The following CRMP1 variants were observed in gnomAD, a reference collection of about 807,000 sequenced individuals.
CRMP1 encodes the protein dihydropyrimidinase-related protein 1.
Under a neutral mutation model 68.3 loss-of-function variants are expected in CRMP1, and 19 were observed. The observed-to-expected ratio is 0.28, with a 90% confidence interval of 0.19 to 0.41. CRMP1 has a LOEUF of 0.41. Ranked by LOEUF, CRMP1 falls within the 10% of genes least tolerant of loss-of-function variation. The pLI is 1.00. For missense variants in CRMP1, 791 were observed against 967.4 expected (o/e 0.82, Z 2.42); for synonymous variants, 439 against 399.6 (o/e 1.10, Z -1.18).
rs959205179 is a variant in CRMP1 at position 5,850,438 on chromosome 4, C to T, written c.883-966G>A. On this transcript the variant is annotated intron_variant, in intron 5 of 13. Transcript: ENST00000324989. The surrounding 1 kb of genome is among the most constrained non-coding windows in gnomAD (Gnocchi z 4.4). Reference sequence around the variant, plus strand: ...GTCTTTTGTTGACTGTATCAAAGGCCTCCAGGACATCTTGGGATAAGTTAT... The same window carrying T: ...GTCTTTTGTTGACTGTATCAAAGGCTTCCAGGACATCTTGGGATAAGTTAT... 1.3e-5 allele frequency among the ~76,000 whole-genome samples: 2 copies of T among 152,140 alleles called. No individual in the cohort carries two copies. Among genetic ancestry groups the T allele is most frequent in the African/African-American group, 4.8e-5 (2 of 41,414 alleles).
intron 8 of CRMP1, among the ~76,000 whole-genome samples, chr4:5,840,128 GA>G (rs1188041285): frequency 6.6e-6 from 1 of 152,290 alleles, no homozygotes; most frequent in Non-Finnish European, 1.5e-5. Context: ...ATAAGGCAGG[GA>G]AAGCAGCCAA....
Position 5,877,824 on chromosome 4 carries a change from G to C in CRMP1, c.382-11068C>G, listed in dbSNP as rs1466013336. 2.6e-5 allele frequency among the ~76,000 whole-genome samples: 4 copies of C among 152,204 alleles called. No homozygotes were observed. The highest frequency in any genetic ancestry group is 4.4e-5 in the Non-Finnish European group (3 of 68,050). On this transcript the variant is annotated intron_variant, in intron 1 of 13. Transcript: ENST00000324989. This position sits in a 1 kb window ranked among gnomAD's most constrained non-coding sequence, Gnocchi z 4.3. ...CACTGTACCAGCAGACTTTCAGGGA[G>C]CACTCCCTGATGGACTGAATATCTG...
At chr4:5,887,823 G>C in intron 1 of CRMP1, 1 of 996,366 alleles carries the variant, frequency 1.0e-6, no homozygotes, top group Non-Finnish European at 1.2e-6. Flanking sequence ...TGGGCCGGAC[G>C]GTGCGGGGGC....
At chr4:5,864,587 G>A (rs1713846053) in intron 2 of CRMP1, among the ~76,000 whole-genome samples, 1 of 152,178 alleles carries the variant, frequency 6.6e-6, no homozygotes. Context: ...GGGCCACGAG[G>A]CAAGGCCCTG....
chr4:5,856,621 C>T (rs1327851292), intron 3 of CRMP1, among the ~76,000 whole-genome samples: 7 of 149,868 alleles, frequency 4.7e-5, no homozygotes, highest in Non-Finnish European at 8.9e-5. Flanking sequence ...CCATGACCGC[C>T]ACTATCATCA....
At chr4:5,824,086 T>G (rs1719135310) in intron 13 of CRMP1, among the ~76,000 whole-genome samples, 1 of 152,172 alleles carries the variant, frequency 6.6e-6, no homozygotes, top group African/African-American at 2.4e-5. Context: ...GGCTTTTAAC[T>G]TCATTGTTAT....
Position 5,883,457 on chromosome 4 carries a change from T to C in CRMP1, c.381+9132A>G, listed in dbSNP as rs1715359588. Among the ~76,000 whole-genome samples, 1 of 152,094 alleles carries C rather than the reference T, an allele frequency of 6.6e-6. No homozygotes were observed. Among genetic ancestry groups the C allele is most frequent in the South Asian group, 2.1e-4 (1 of 4,814 alleles). ...CTGGGATTACAGGTGCCCGCCACCA[T>C]GCCTGGCTAATTTTTGTATTTTTAG... On this transcript the variant is annotated intron_variant, in intron 1 of 13. Transcript: ENST00000324989. This position sits in a 1 kb window ranked among gnomAD's most constrained non-coding sequence, Gnocchi z 4.5.
At chr4:5,885,495 G>T (rs1715518728) in intron 1 of CRMP1, among the ~76,000 whole-genome samples, 1 of 152,176 alleles carries the variant, frequency 6.6e-6, no homozygotes, top group Admixed American at 6.5e-5. Flanking sequence ...CTGCCTTCAT[G>T]ATTTGATCTA....
At chr4:5,868,017 G>A (rs994450593) in intron 1 of CRMP1, among the ~76,000 whole-genome samples, 1 of 151,766 alleles carries the variant, frequency 6.6e-6, no homozygotes, top group Non-Finnish European at 1.5e-5. Flanking sequence ...TATCCTAAGG[G>A]CACAGACTAG....
intron 2 of CRMP1, among the ~76,000 whole-genome samples, chr4:5,864,880 A>T (rs1713873142): frequency 1.3e-5 from 2 of 150,504 alleles, no homozygotes; most frequent in South Asian, 4.3e-4. Context: ...AAGAGCAAGC[A>T]AGGAATGAAG....
chr4:5,874,400 TTGGGGTCCACACCCA>T lies in CRMP1; in HGVS notation c.382-7659_382-7645del, dbSNP rs1202359121. Among the ~76,000 whole-genome samples the T allele has an allele frequency of 2.5e-4, 38 of 152,192 alleles. 1 individual carries two copies. The highest frequency in any genetic ancestry group is 2.4e-3 in the Admixed American group (37 of 15,280). ...GTCATTGGCTTCCCCTACGGAGACT[TTGGGGTCCACACCCA>T]TGATCTAACCGCCAGTATAATGCAC... is the stretch of plus-strand genomic sequence containing the variant. On this transcript the variant is annotated intron_variant, in intron 1 of 13. Coordinates refer to ENST00000324989, the MANE Select transcript of CRMP1 (RefSeq NM_001014809.3).
intron 6 of CRMP1, among the ~76,000 whole-genome samples, chr4:5,845,102 C>T (rs1712093437): frequency 6.6e-6 from 1 of 152,200 alleles, no homozygotes; most frequent in Admixed American, 6.5e-5. Flanking sequence ...GGACATAAGA[C>T]AGTGTGTGCT....
chr4:5,844,305 T>G (rs149471626), intron 6 of CRMP1, among the ~76,000 whole-genome samples: 1,882 of 147,922 alleles, frequency 0.013, 48 homozygotes, highest in African/African-American at 0.044. Flanking sequence ...TCTGTGAAAT[T>G]GTTTACATGT....
At chr4:5,862,864 G>GT (rs1713686318) in intron 2 of CRMP1, among the ~76,000 whole-genome samples, 1 of 152,134 alleles carries the variant, frequency 6.6e-6, no homozygotes, top group African/African-American at 2.4e-5. Context: ...GAGTACAGTG[G>GT]TACAGGTCAT....
chr4:5,836,126 G>A (rs1720706523), intron 10 of CRMP1, 41 bp from the exon 11 acceptor site: 1 of 1,393,758 alleles, frequency 7.2e-7, no homozygotes, highest in East Asian at 2.7e-5. Context: ...ATCTCATAAT[G>A]GGGCCAGGAG....
At position 5,828,657 on chromosome 4, in the gene CRMP1, G is replaced by A. The variant is rs1016601839; in HGVS notation, c.1635C>T (p.Tyr545=). ...TAKSHKSAVE[Y]NIFEGMECHG... is the part of the protein sequence containing the mutation. ...GGCACTCCATACCCTCGAAGATGTT[G>A]TACTCCACCGCCTGCACCAACAGCC... is the stretch of plus-strand genomic sequence containing the variant. The change falls in exon 12 of 14, where the codon TAC becomes TAT. Residue 545 remains tyrosine (Y), a synonymous_variant. Coordinates refer to ENST00000324989, the MANE Select transcript of CRMP1 (RefSeq NM_001014809.3). The A allele has an allele frequency of 6.2e-7, 1 of 1,613,830 alleles. No individual in the cohort carries two copies. The highest frequency in any genetic ancestry group is 1.3e-5 in the African/African-American group (1 of 74,932).
In CRMP1 at chr4:5,849,429, A is replaced by G; in HGVS notation, c.926T>C (p.Ile309Thr). The change falls in exon 6 of 14, where the codon ATC becomes ACC. Residue 309 changes from isoleucine (I) to threonine (T), a missense_variant. This residue lies in a region of CRMP1 where 594 missense variants were observed against 763.6 expected (regional missense o/e 0.78). Transcript: ENST00000324989. ...ATCTCCATTTTCTGCATGGACCAAG[A>G]TCACAGCTCCCAGGCCCTTAAGGAA... ...FTFLKGLGAVILVHAENGDLI... is the reference protein window; with the variant it reads ...FTFLKGLGAVTLVHAENGDLI... 1 of 1,613,964 alleles carries G rather than the reference A, an allele frequency of 6.2e-7. No homozygotes were observed. Among genetic ancestry groups the G allele is most frequent in the Non-Finnish European group, 8.5e-7 (1 of 1,179,986 alleles).
rs1718575727 is a variant in CRMP1 at position 5,821,651 on chromosome 4, CT to C, written c.*108del. On this transcript the variant is annotated 3_prime_UTR_variant, in exon 14 of 14. Transcript: ENST00000324989. This position sits in a 1 kb window ranked among gnomAD's most constrained non-coding sequence, Gnocchi z 4.4. ...GGAAAGAGCATCCTTCGACTTCCCCCTCCCTCCATCAGCACCAACTAAAACT... is the reference window on the plus strand; with the variant it reads ...GGAAAGAGCATCCTTCGACTTCCCCCCCCTCCATCAGCACCAACTAAAACT... The C allele has an allele frequency of 2.0e-6, 2 of 1,017,190 alleles. No individual in the cohort carries two copies. The highest frequency in any genetic ancestry group is 2.9e-6 in the Non-Finnish European group (2 of 692,148). 63.0% of individuals were successfully genotyped at this position (1,017,190 alleles called of 1,614,324 possible).
Position 5,833,456 on chromosome 4 carries a change from G to A in CRMP1, c.1623+2459C>T, listed in dbSNP as rs1255795226. Reference sequence around the variant, plus strand: ...GCTGGGATTACAGGCGTGAGCCACCGCGCCCGGCCCCAGAACTTTTAAGAG... The same window carrying A: ...GCTGGGATTACAGGCGTGAGCCACCACGCCCGGCCCCAGAACTTTTAAGAG... On this transcript the variant is annotated intron_variant, in intron 11 of 13. Coordinates refer to ENST00000324989, the MANE Select transcript of CRMP1 (RefSeq NM_001014809.3). Among the ~76,000 whole-genome samples, 4 of 86,556 alleles carry A rather than the reference G, an allele frequency of 4.6e-5. 1 individual carries two copies. The highest frequency in any genetic ancestry group is 1.0e-4 in the Non-Finnish European group (4 of 39,918). The allele number at this position is 86,556 out of a possible 152,430, so 56.8% of individuals were successfully genotyped here.
Sources: allele counts gnomAD v4.1 joint callset (sites outside exome capture counted in the v4.1 genomes callset), GRCh38; gene constraint gnomAD v4.1.1; regional missense constraint gnomAD v4.1.1; non-coding constraint Gnocchi (gnomAD v3.1); transcripts MANE v1.5; gene names NCBI Gene and HGNC (gene_info 2026-07-23, HGNC 2026-07-21).